ERCC4: variants seen among roughly 807,000 people sequenced by gnomAD.
The protein encoded by ERCC4 is DNA repair endonuclease XPF.
Under a neutral mutation model 76.9 loss-of-function variants are expected in ERCC4, and 65 were observed. The ratio of observed to expected loss-of-function variants is 0.84; its 90% confidence interval spans 0.69 to 1.04. The LOEUF (loss-of-function observed/expected upper bound fraction) is 1.04. ERCC4 is among the 50% of genes least tolerant of loss of function. The pLI, the probability that ERCC4 is intolerant of heterozygous loss-of-function variation, is 0.00. For synonymous variants in ERCC4, 463 were observed against 410.1 expected, an observed-to-expected ratio of 1.13 and a Z score of -1.56; for missense variants, 1,214 against 1,128.2, an observed-to-expected ratio of 1.08 and a Z score of -1.09.
chr16:13,949,798 G>C lies in ERCC4; in HGVS notation c.*1451G>C, dbSNP rs1371757867. On this transcript the variant is annotated 3_prime_UTR_variant, in exon 11 of 11. Coordinates refer to ENST00000311895, the MANE Select transcript of ERCC4 (RefSeq NM_005236.3). ...TTGTTCACATGTTGAGTAATGGGTAGTAAATTTTCTACCTCAGGAGCTGAT... is the reference window on the plus strand; with the variant it reads ...TTGTTCACATGTTGAGTAATGGGTACTAAATTTTCTACCTCAGGAGCTGAT... The C allele has an allele frequency of 8.6e-6, 2 of 231,930 alleles. No individual in the cohort carries two copies. The highest frequency in any genetic ancestry group is 1.1e-4 in the Admixed American group (2 of 17,756). The allele number at this position is 231,930 out of a possible 1,614,324, so 14.4% of individuals were successfully genotyped here.
chr16:13,936,095 C>G (rs1039965999), intron 8 of ERCC4, among the ~76,000 whole-genome samples: 3 of 152,108 alleles, frequency 2.0e-5, no homozygotes, highest in Admixed American at 6.5e-5. Context: ...TGTGACTCGG[C>G]TAAGTAATTT....
chr16:13,943,514 C>G (rs1239186450), intron 9 of ERCC4, among the ~76,000 whole-genome samples: 6 of 152,168 alleles, frequency 3.9e-5, no homozygotes, highest in Non-Finnish European at 7.4e-5. Context: ...GGAAACCACC[C>G]CCATGACTCA....
chr16:13,931,387 AGT>A (rs2032168779), intron 5 of ERCC4: 1 of 163,092 alleles, frequency 6.1e-6, no homozygotes, highest in Admixed American at 5.8e-5. Flanking sequence ...CGGTTTTCAA[AGT>A]GTGGTCCGTG....
At chr16:13,939,471 ACCCAGACCACAAGCTGATCGGGAGCCG>A (rs1567250017) in intron 9 of ERCC4, among the ~76,000 whole-genome samples, 1 of 152,134 alleles carries the variant, frequency 6.6e-6, no homozygotes, top group Non-Finnish European at 1.5e-5. Flanking sequence ...CAAAGACCTC[ACCCAGACCACAAGCTGATCGGGAGCCG>A]CTTCCCTGAG....
chr16:13,940,784 G>T (rs1004876766), intron 9 of ERCC4, among the ~76,000 whole-genome samples: 1 of 152,204 alleles, frequency 6.6e-6, no homozygotes, highest in Admixed American at 6.5e-5. Flanking sequence ...ATACTCCAGG[G>T]GCTCAGAGCT....
intron 5 of ERCC4, 153 bp from the exon 6 acceptor site, chr16:13,932,004 C>A: frequency 1.4e-6 from 1 of 733,466 alleles, no homozygotes; most frequent in East Asian, 2.5e-5. Flanking sequence ...ACTGGTCCAG[C>A]TGAACAGCGA....
Position 13,933,926 on chromosome 16 carries a change from AACACAGAAT to A in ERCC4, c.1103-265_1103-257del, listed in dbSNP as rs3136142. On this transcript the variant is annotated intron_variant, in intron 6 of 10. Coordinates refer to ENST00000311895, the MANE Select transcript of ERCC4 (RefSeq NM_005236.3). ...TATATATAGTGTCACAGAAACAACT[AACACAGAAT>A]GGTCTCTCATTAGTGACCATGCATA... 3.8e-3 allele frequency: 1,430 copies of A among 374,564 alleles called. 7 individuals carry two copies. The highest frequency in any genetic ancestry group is 0.013 in the Middle Eastern group (17 of 1,288). The allele number at this position is 374,564 out of a possible 1,614,324, so 23.2% of individuals were successfully genotyped here.
intron 2 of ERCC4, among the ~76,000 whole-genome samples, chr16:13,925,640 C>G (rs929471537): frequency 2.6e-5 from 4 of 152,140 alleles, no homozygotes; most frequent in African/African-American, 9.7e-5. Context: ...CCATACCCTT[C>G]CAGATATGAG....
intron 9 of ERCC4, among the ~76,000 whole-genome samples, chr16:13,939,549 A>G (rs999957061): frequency 1.3e-5 from 2 of 152,038 alleles, no homozygotes; most frequent in African/African-American, 4.8e-5. Flanking sequence ...TGGGGTGGAA[A>G]GGGGGTTATG....
chr16:13,937,309 T>C (rs3136161), intron 8 of ERCC4, among the ~76,000 whole-genome samples: 6,432 of 152,146 alleles, frequency 0.042, 454 homozygotes, highest in African/African-American at 0.14. Flanking sequence ...TGTATTTATA[T>C]AAAATGTGTG....
chr16:13,922,078 T>C lies in ERCC4; in HGVS notation c.255T>C (p.Pro85=). The change falls in exon 2 of 11, where the codon CCT becomes CCC. Residue 85 remains proline, a synonymous_variant. Coordinates refer to ENST00000311895, the MANE Select transcript of ERCC4 (RefSeq NM_005236.3). Reference sequence around the variant, plus strand: ...AGATAGAAGGAGTTGAACACCTCCCTCGCCGTGTAACAAATGAAATCACAA... The same window carrying C: ...AGATAGAAGGAGTTGAACACCTCCCCCGCCGTGTAACAAATGAAATCACAA... ...QLKIEGVEHL[P]RRVTNEITSN... 1 of 1,613,948 alleles carries C rather than the reference T, an allele frequency of 6.2e-7. No homozygotes were observed. The highest frequency in any genetic ancestry group is 8.5e-7 in the Non-Finnish European group (1 of 1,179,860).
chr16:13,937,205 C>T (rs924927350), intron 8 of ERCC4, among the ~76,000 whole-genome samples: 4 of 151,422 alleles, frequency 2.6e-5, no homozygotes, highest in African/African-American at 7.3e-5. Context: ...TGTGAGCCAC[C>T]GTGCCCAGCC....
chr16:13,921,947 A>G lies in ERCC4; in HGVS notation c.208-84A>G. ...ATTAAGTTCATTATCTCAGAGAAAGACAGCACATTATTTTAAATATCTGTG... is the reference window on the plus strand; with the variant it reads ...ATTAAGTTCATTATCTCAGAGAAAGGCAGCACATTATTTTAAATATCTGTG... On this transcript the variant is annotated intron_variant, in intron 1 of 10. Transcript: ENST00000311895. 5 of 836,394 alleles carry G rather than the reference A, an allele frequency of 6.0e-6. No homozygotes were observed. In the Admixed American group the frequency reaches 6.1e-5, roughly 10 times the overall value. The allele number at this position is 836,394 out of a possible 1,614,324, so 51.8% of individuals were successfully genotyped here. A position where few individuals can be genotyped will look rare whatever the true frequency, so the allele number is the denominator to read the frequency against.
At chr16:13,927,864 G>A (rs1410291532) in intron 3 of ERCC4, 164 bp from the exon 4 acceptor site, 3 of 631,608 alleles carry the variant, frequency 4.7e-6, no homozygotes, top group Non-Finnish European at 8.5e-6. Context: ...ATTCATTGAG[G>A]TTCAAAGTGT....
chr16:13,943,742 T>C (rs938951628), intron 9 of ERCC4, among the ~76,000 whole-genome samples: 5 of 152,120 alleles, frequency 3.3e-5, no homozygotes, highest in African/African-American at 1.2e-4. Context: ...TTTTTTTTTT[T>C]CTTCTCATGT....
At chr16:13,942,367 G>A (rs1486534728) in intron 9 of ERCC4, among the ~76,000 whole-genome samples, 4 of 152,148 alleles carry the variant, frequency 2.6e-5, no homozygotes, top group South Asian at 2.1e-4. Context: ...ACATTTAGTG[G>A]TAAACTAGCT....
At chr16:13,922,346 G>C (rs986588983) in intron 2 of ERCC4, 135 bp downstream of exon 2, 1 of 780,998 alleles carries the variant, frequency 1.3e-6, no homozygotes, top group Non-Finnish European at 2.3e-6. Context: ...ATCACCTTTG[G>C]TAGGGGTCGT....
intron 9 of ERCC4, among the ~76,000 whole-genome samples, chr16:13,942,713 A>T (rs1394901533): frequency 6.6e-6 from 1 of 152,234 alleles, no homozygotes; most frequent in African/African-American, 2.4e-5. Flanking sequence ...ACACTTTGGA[A>T]CCGGAATCTG....
chr16:13,940,252 T>G (rs950768115), intron 9 of ERCC4, among the ~76,000 whole-genome samples: 13 of 151,972 alleles, frequency 8.6e-5, no homozygotes, highest in Admixed American at 2.0e-4. Context: ...CCAGGAGTGG[T>G]GGCGCATGCC....
Sources: allele counts gnomAD v4.1 joint callset (sites outside exome capture counted in the v4.1 genomes callset), GRCh38; gene constraint gnomAD v4.1.1; transcripts MANE v1.5; gene names NCBI Gene and HGNC (gene_info 2026-07-23, HGNC 2026-07-21).